The following SEMA3A variants were observed in gnomAD, a reference collection of about 807,000 sequenced individuals.
SEMA3A encodes the protein semaphorin-3A.
In SEMA3A, 29 loss-of-function variants were observed where a neutral mutation model predicts 97.9. The observed-to-expected ratio is 0.30, with a 90% confidence interval of 0.22 to 0.40. SEMA3A has a LOEUF of 0.40. Ranked by LOEUF, SEMA3A falls within the 10% of genes least tolerant of loss-of-function variation. The probability of loss-of-function intolerance (pLI) is 1.00; values close to 1 mark genes in which losing one functional copy is unlikely to be tolerated. For missense variants in SEMA3A, 763 were observed against 951.3 expected (o/e 0.80, Z 2.60); for synonymous variants, 321 against 323.7 (o/e 0.99, Z 0.09).
At chr7:84,318,533 G>A (rs1414351597) in intron 2 of SEMA3A, among the ~76,000 whole-genome samples, 2 of 151,344 alleles carry the variant, frequency 1.3e-5, no homozygotes, top group African/African-American at 4.9e-5. Flanking sequence ...CGTTTTAGCC[G>A]GGATGGTCTC....
intron 1 of SEMA3A, among the ~76,000 whole-genome samples, chr7:84,435,774 A>G (rs1372217001): frequency 3.3e-5 from 5 of 152,202 alleles, no homozygotes; most frequent in African/African-American, 1.2e-4. Context: ...ATTCAACACT[A>G]TATCTATCAA....
intron 3 of SEMA3A, among the ~76,000 whole-genome samples, chr7:84,115,631 T>C (rs3801653): frequency 0.23 from 35,385 of 152,042 alleles, 4,280 homozygotes; most frequent in African/African-American, 0.31. Context: ...CATCAGGATG[T>C]GTGCCATTCA....
chr7:84,213,069 C>T lies in SEMA3A; in HGVS notation c.-82-18401G>A, dbSNP rs1028188651. Among the ~76,000 whole-genome samples, 6 of 152,108 alleles carry T rather than the reference C, an allele frequency of 3.9e-5. No homozygotes were observed. The East Asian group carries it at 9.7e-4, about 25-fold the overall frequency. ...ACCTCTGCCTACAGGATTTAGGGTT[C>T]AGGGTTCAAGCGATTCTCCTGCCTC... On this transcript the variant is annotated intron_variant, in intron 3 of 3. Coordinates refer to the SEMA3A transcript ENST00000424555.
intron 3 of SEMA3A, among the ~76,000 whole-genome samples, chr7:84,206,068 C>T (rs1798485656): frequency 2.0e-5 from 3 of 152,078 alleles, no homozygotes; most frequent in Admixed American, 2.0e-4. Context: ...GGCACTTCAG[C>T]TATCTAACAG....
At chr7:84,229,496 G>A (rs1456725339) in intron 3 of SEMA3A, among the ~76,000 whole-genome samples, 1 of 152,028 alleles carries the variant, frequency 6.6e-6, no homozygotes, top group Non-Finnish European at 1.5e-5. Context: ...ATGCCATCTG[G>A]CAGAATTTGC....
At chr7:84,023,471 C>A (rs1791400975) in intron 6 of SEMA3A, among the ~76,000 whole-genome samples, 1 of 152,256 alleles carries the variant, frequency 6.6e-6, no homozygotes. Flanking sequence ...TTCTAGGACA[C>A]AAATTACATA....
intron 15 of SEMA3A, among the ~76,000 whole-genome samples, chr7:83,969,082 A>C (rs1289660415): frequency 6.6e-6 from 1 of 152,054 alleles, no homozygotes; most frequent in Non-Finnish European, 1.5e-5. Flanking sequence ...AGGTGCTGGG[A>C]TTACAGGCAT....
intron 5 of SEMA3A, among the ~76,000 whole-genome samples, 167 bp from the exon 6 acceptor site, chr7:84,046,610 G>C (rs1269088523): frequency 6.6e-6 from 1 of 152,018 alleles, no homozygotes; most frequent in Non-Finnish European, 1.5e-5. Flanking sequence ...CTTATTGAAG[G>C]ATATGTCCTT....
intron 1 of SEMA3A, among the ~76,000 whole-genome samples, chr7:84,381,438 C>T (rs1364324829): frequency 6.6e-6 from 1 of 152,152 alleles, no homozygotes; most frequent in Non-Finnish European, 1.5e-5. Context: ...GTTTTGTCCC[C>T]AGTCATCTAA....
chr7:84,218,191 AT>A (rs1798793150), intron 3 of SEMA3A, among the ~76,000 whole-genome samples: 1 of 152,100 alleles, frequency 6.6e-6, no homozygotes, highest in African/African-American at 2.4e-5. Context: ...AAATCCTAAA[AT>A]TTGAAATATT....
intron 4 of SEMA3A, among the ~76,000 whole-genome samples, chr7:84,106,567 G>T (rs1225652559): frequency 2.0e-5 from 3 of 152,154 alleles, no homozygotes; most frequent in Non-Finnish European, 4.4e-5. Flanking sequence ...AGTAAAAGAG[G>T]TCTATTTTCA....
chr7:84,359,384 C>G (rs1208479509), intron 2 of SEMA3A, among the ~76,000 whole-genome samples: 2 of 151,992 alleles, frequency 1.3e-5, no homozygotes, highest in Admixed American at 6.6e-5. Context: ...TTTTCTGCAT[C>G]TATTGAGATA....
intron 1 of SEMA3A, among the ~76,000 whole-genome samples, chr7:84,192,504 C>T (rs1584107998): frequency 6.6e-6 from 1 of 151,758 alleles, no homozygotes; most frequent in African/African-American, 2.4e-5. Flanking sequence ...TAATGGATGC[C>T]ATCACTAAAA....
Position 84,355,641 on chromosome 7 carries a change from T to C in SEMA3A, c.-169+16183A>G, listed in dbSNP as rs140554695. ...ATCAACTCAACAACTAACTTCTATA[T>C]TACTCTCATCAGTAATTTCTCAGTC... On this transcript the variant is annotated intron_variant, in intron 2 of 3. Coordinates refer to the SEMA3A transcript ENST00000424555. Among the ~76,000 whole-genome samples, 10 of 152,000 alleles carry C rather than the reference T, an allele frequency of 6.6e-5. No individual in the cohort carries two copies. The East Asian group carries it at 1.7e-3, about 26-fold the overall frequency.
At chr7:84,252,726 ACTCT>A (rs1799636481) in intron 3 of SEMA3A, among the ~76,000 whole-genome samples, 1 of 152,148 alleles carries the variant, frequency 6.6e-6, no homozygotes, top group Admixed American at 6.6e-5. Context: ...ATGTTATTTC[ACTCT>A]CTCATCTATT....
chr7:84,210,585 G>A (rs1261859145), intron 3 of SEMA3A, among the ~76,000 whole-genome samples: 3 of 152,144 alleles, frequency 2.0e-5, no homozygotes, highest in African/African-American at 4.8e-5. Flanking sequence ...TGTAGGTGAC[G>A]AAAGCCATGA....
At chr7:84,424,974 T>A (rs1186005498) in intron 1 of SEMA3A, among the ~76,000 whole-genome samples, 44 of 103,046 alleles carry the variant, frequency 4.3e-4, no homozygotes, top group African/African-American at 1.7e-3. Context: ...ATTTATATAT[T>A]TATAATTTAT....
intron 1 of SEMA3A, among the ~76,000 whole-genome samples, chr7:84,464,485 C>T (rs1308710742): frequency 6.6e-6 from 1 of 152,078 alleles, no homozygotes; most frequent in East Asian, 1.9e-4. Context: ...ATTAAAATAG[C>T]ATGTTTAATA....
chr7:84,341,211 A>ACTCT (rs1409458411), intron 2 of SEMA3A, among the ~76,000 whole-genome samples: 1 of 152,042 alleles, frequency 6.6e-6, no homozygotes, highest in Non-Finnish European at 1.5e-5. Context: ...CATACTCTGT[A>ACTCT]CTCTCCCTTG....
Sources: gnomAD v4.1 joint callset for allele counts (sites outside exome capture counted in the v4.1 genomes callset) on GRCh38, gnomAD v4.1.1 for gene constraint, MANE v1.5 for transcripts, NCBI Gene and HGNC (gene_info 2026-07-23, HGNC 2026-07-21) for gene names.